Variants in GSDMC observed in about 807,000 individuals in gnomAD.
GSDMC encodes the protein gasdermin C.
In GSDMC, 59 loss-of-function variants were observed where a neutral mutation model predicts 58.0. The ratio of observed to expected loss-of-function variants is 1.02; its 90% CI spans 0.82 to 1.26. The LOEUF (loss-of-function observed/expected upper bound fraction) is 1.26. GSDMC is among the 50% of genes most tolerant of loss of function. The probability of loss-of-function intolerance (pLI) is 0.00; values close to 1 mark genes in which losing one functional copy is unlikely to be tolerated. For missense variants in GSDMC, 659 were observed against 598.5 expected (o/e 1.10, Z -1.06); for synonymous variants, 241 against 220.2 (o/e 1.09, Z -0.83).
intron 3 of GSDMC, among the ~76,000 whole-genome samples, chr8:129,767,375 C>T (rs1046768046): frequency 6.6e-6 from 1 of 152,084 alleles, no homozygotes; most frequent in Non-Finnish European, 1.5e-5. Flanking sequence ...AACAGTGACC[C>T]TTTCCAAATT....
At chr8:129,747,643 A>T (rs941576006), downstream of GSDMC, among the ~76,000 whole-genome samples, 54 of 152,322 alleles carry the variant, frequency 3.5e-4, no homozygotes, top group African/African-American at 1.2e-3. Context: ...TTGCATTTTT[A>T]AATTATTCCC....
intron 1 of GSDMC, among the ~76,000 whole-genome samples, chr8:129,780,823 G>A (rs967335269): frequency 1.3e-5 from 2 of 152,058 alleles, no homozygotes; most frequent in Admixed American, 1.3e-4. Flanking sequence ...CCAATCAAAA[G>A]CAACTACAAC....
intron 4 of GSDMC, among the ~76,000 whole-genome samples, chr8:129,763,117 C>T (rs937714930): frequency 6.6e-6 from 1 of 152,192 alleles, no homozygotes; most frequent in African/African-American, 2.4e-5. Flanking sequence ...TCCCCACTCC[C>T]GATCTTTCCT....
intron 8 of GSDMC, 95 bp downstream of exon 8, chr8:129,752,011 C>A: frequency 2.1e-6 from 3 of 1,457,522 alleles, no homozygotes; most frequent in Non-Finnish European, 9.6e-7. Flanking sequence ...CCCCAGAGGC[C>A]AGACCCCAAG....
chr8:129,730,010 C>A, the GSDMC span: 4 of 1,406,700 alleles, frequency 2.8e-6, no homozygotes, highest in Admixed American at 3.7e-5. Context: ...CATCTTCCAA[C>A]GGAAGAAGAA....
chr8:129,752,603 T>G, intron 7 of GSDMC, 95 bp downstream of exon 7: 1 of 1,525,514 alleles, frequency 6.6e-7, no homozygotes, highest in Non-Finnish European at 8.8e-7. Context: ...GCCTACATGG[T>G]TCATACACCC....
chr8:129,752,735 G>A lies in GSDMC; in HGVS notation c.807C>T (p.Leu269=), dbSNP rs1263718691. Residue 269 remains leucine, a synonymous_variant, in exon 7 of 14, where the codon CTC becomes CTT. Coordinates refer to ENST00000276708, the MANE Select transcript of GSDMC (RefSeq NM_031415.3). ...LPSFHTISPT[L]FNASSNDMKL... ...TCATATCATTGGATGAGGCATTGAA[G>A]AGGGTTGGAGAGATGGTATGAAATG... is the stretch of plus-strand genomic sequence containing the variant. 6.2e-7 allele frequency: 1 copy of A among 1,614,222 alleles called. No homozygotes were observed. Among genetic ancestry groups the A allele is most frequent in the Non-Finnish European group, 8.5e-7 (1 of 1,180,030 alleles).
the GSDMC span, among the ~76,000 whole-genome samples, chr8:129,741,000 G>A: frequency 9.2e-5 from 14 of 151,998 alleles, no homozygotes; most frequent in South Asian, 6.2e-4. Flanking sequence ...TCTTTTATCC[G>A]TTTTGAATTG....
At chr8:129,731,337 C>T in the GSDMC span, among the ~76,000 whole-genome samples, 1 of 152,214 alleles carries the variant, frequency 6.6e-6, no homozygotes, top group Non-Finnish European at 1.5e-5. Context: ...AGCTGCTGTG[C>T]AGCTAGTGGA....
At chr8:129,766,261 A>G (rs1346606168) in intron 3 of GSDMC, among the ~76,000 whole-genome samples, 3 of 152,218 alleles carry the variant, frequency 2.0e-5, no homozygotes, top group Non-Finnish European at 2.9e-5. Flanking sequence ...AAGACTCTGC[A>G]TGATTTCATG....
chr8:129,729,825 A>C, the GSDMC span: 1 of 686,914 alleles, frequency 1.5e-6, no homozygotes. Context: ...AGAGTGCCAA[A>C]GACAGAAAAG....
Position 129,776,973 on chromosome 8 carries a change from T to C in GSDMC, c.220+395A>G, listed in dbSNP as rs140328673. On this transcript the variant is annotated intron_variant, in intron 2 of 13. Coordinates refer to ENST00000276708, the MANE Select transcript of GSDMC (RefSeq NM_031415.3). ...TTAATAGAGACAGGGTTTCAGCATG[T>C]TGGCCAGACTGGTCTCGAACTCCTG... Among the ~76,000 whole-genome samples the C allele has an allele frequency of 2.7e-3, 405 of 152,088 alleles. 17 individuals are homozygous for C. In the East Asian group the frequency reaches 0.071, roughly 27 times the overall value.
intron 3 of GSDMC, among the ~76,000 whole-genome samples, chr8:129,774,573 G>A (rs1402568426): frequency 2.0e-5 from 3 of 149,696 alleles, no homozygotes; most frequent in East Asian, 1.9e-4. Context: ...TGTTACTCTA[G>A]CAAACTAAAA....
At chr8:129,737,613 TA>T in the GSDMC span, among the ~76,000 whole-genome samples, 1 of 151,680 alleles carries the variant, frequency 6.6e-6, no homozygotes, top group African/African-American at 2.4e-5. Flanking sequence ...TAGTCATATG[TA>T]AAAACTGAAA....
chr8:129,785,671 A>T (rs922166503), intron 1 of GSDMC, among the ~76,000 whole-genome samples: 2 of 152,184 alleles, frequency 1.3e-5, no homozygotes, highest in Non-Finnish European at 2.9e-5. Context: ...TCAATAATGA[A>T]GAGAGACAGA....
rs781227916 is a variant in GSDMC at position 129,750,499 on chromosome 8, C to A, written c.1015G>T (p.Asp339Tyr). 3.1e-6 allele frequency: 5 copies of A among 1,613,926 alleles called. No homozygotes were observed. The highest frequency in any genetic ancestry group is 1.7e-4 in the Middle Eastern group (1 of 6,060). ...GCCAGGATACTGTAGAACATGACAT[C>A]CTGAACATCCTTTGAGAGCTGAGCC... ...TLAQLSKDVQ[D>Y]VMFYSILAML... The change falls in exon 11 of 14, where the codon GAT (aspartate) becomes TAT (tyrosine). Residue 339 changes from aspartate (D) to tyrosine (Y), a missense_variant. Physicochemically the swap from Asp to Tyr is radical, Grantham distance 160. Coordinates refer to ENST00000276708, the MANE Select transcript of GSDMC (RefSeq NM_031415.3).
chr8:129,748,869 A>G, intron 13 of GSDMC, 129 bp from the exon 14 acceptor site: 1 of 630,568 alleles, frequency 1.6e-6, no homozygotes, highest in South Asian at 3.7e-5. Flanking sequence ...GCGGACCAGG[A>G]GTAACATGCT....
intron 1 of GSDMC, among the ~76,000 whole-genome samples, chr8:129,784,707 T>C (rs755496750): frequency 1.7e-4 from 26 of 152,116 alleles, no homozygotes; most frequent in Admixed American, 3.9e-4. Flanking sequence ...AAGCTAAAAA[T>C]AGAGCTGCCA....
chr8:129,772,487 T>C (rs1274951287), intron 3 of GSDMC, among the ~76,000 whole-genome samples: 1 of 152,102 alleles, frequency 6.6e-6, no homozygotes, highest in Non-Finnish European at 1.5e-5. Flanking sequence ...GAGAGCCTAT[T>C]ATCTGTAATT....
Sources: allele counts gnomAD v4.1 joint callset (sites outside exome capture counted in the v4.1 genomes callset), GRCh38; gene constraint gnomAD v4.1.1; transcripts MANE v1.5; gene names NCBI Gene and HGNC (gene_info 2026-07-23, HGNC 2026-07-21).